Variants in SULF2 observed in about 807,000 individuals in gnomAD.
The protein encoded by SULF2 is sulfatase 2.
Under a neutral mutation model 107.7 loss-of-function variants are expected in SULF2, and 52 were observed. That is an observed-to-expected ratio of 0.48 (90% CI 0.39 to 0.61). SULF2 has a LOEUF of 0.61. Among genes scored for constraint, SULF2 ranks in the 20% least tolerant of loss-of-function variants. The pLI, the probability that SULF2 is intolerant of heterozygous loss-of-function variation, is 0.00. For synonymous variants in SULF2, 460 were observed against 464.3 expected (o/e 0.99, Z 0.12); for missense variants, 993 against 1,177.3 (o/e 0.84, Z 2.29).
intron 3 of SULF2, among the ~76,000 whole-genome samples, chr20:47,718,045 C>A (rs1472765833): frequency 6.6e-6 from 1 of 152,080 alleles, no homozygotes; most frequent in Non-Finnish European, 1.5e-5. Flanking sequence ...TCTTGATCTC[C>A]TGACCTCGTG....
intron 2 of SULF2, among the ~76,000 whole-genome samples, chr20:47,755,028 G>A (rs974663447): frequency 6.6e-6 from 1 of 151,972 alleles, no homozygotes; most frequent in East Asian, 1.9e-4. Flanking sequence ...AAGACGGGGG[G>A]GGTCTCACTA....
At chr20:47,717,464 G>A (rs898956005) in intron 3 of SULF2, among the ~76,000 whole-genome samples, 4 of 152,154 alleles carry the variant, frequency 2.6e-5, no homozygotes, top group African/African-American at 4.8e-5. Flanking sequence ...TCCCATCCAC[G>A]GGGACGCAGA....
intron 6 of SULF2, among the ~76,000 whole-genome samples, chr20:47,683,384 C>T (rs920377625): frequency 6.6e-6 from 1 of 152,226 alleles, no homozygotes; most frequent in Non-Finnish European, 1.5e-5. Flanking sequence ...CATGGCCCTT[C>T]TTGGCATCCA....
Position 47,666,225 on chromosome 20 carries a change from T to C in SULF2, c.1805+35A>G. On this transcript the variant is annotated intron_variant, in intron 12 of 20. Transcript: ENST00000688720. This position sits in a 1 kb window ranked among gnomAD's most constrained non-coding sequence, Gnocchi z 5.4. ...AAGCCCTTTGCCGAGGTCTGTCCTG[T>C]CCCCTTCACCCTCGACTTCCACCTG... The C allele has an allele frequency of 6.2e-7, 1 of 1,611,366 alleles. No homozygotes were observed. Among genetic ancestry groups the C allele is most frequent in the South Asian group, 1.1e-5 (1 of 90,938 alleles).
At chr20:47,702,129 CT>C (rs1292211240) in intron 4 of SULF2, among the ~76,000 whole-genome samples, 1 of 152,202 alleles carries the variant, frequency 6.6e-6, no homozygotes, top group Admixed American at 6.5e-5. Context: ...AAGATCCTGG[CT>C]CACTGCAGCC....
At chr20:47,745,855 G>A (rs888413171) in intron 2 of SULF2, among the ~76,000 whole-genome samples, 2 of 152,110 alleles carry the variant, frequency 1.3e-5, no homozygotes, top group Non-Finnish European at 2.9e-5. Flanking sequence ...AACAAGTATC[G>A]TCTCACGCGG....
intron 4 of SULF2, among the ~76,000 whole-genome samples, chr20:47,691,459 G>C (rs151052446): frequency 3.2e-4 from 49 of 152,248 alleles, no homozygotes; most frequent in African/African-American, 1.0e-3. Context: ...CTGATACCTG[G>C]GCCCACCCCC....
rs1483569635 is a variant in SULF2 at position 47,666,957 on chromosome 20, T to C, written c.1577-469A>G. Among the ~76,000 whole-genome samples, 4 of 152,018 alleles carry C rather than the reference T, an allele frequency of 2.6e-5. No individual in the cohort carries two copies. The highest frequency in any genetic ancestry group is 4.8e-5 in the African/African-American group (2 of 41,388). On this transcript the variant is annotated intron_variant, in intron 11 of 20. Transcript: ENST00000688720. This position sits in a 1 kb window ranked among gnomAD's most constrained non-coding sequence, Gnocchi z 5.4. ...TAAATCTATAGCGGCAGAAAGAAGA[T>C]TGGTGATTGCCAGGGGCTGGGGGAG... is the stretch of plus-strand genomic sequence containing the variant.
intron 3 of SULF2, among the ~76,000 whole-genome samples, chr20:47,734,480 G>A (rs1022567582): frequency 1.2e-4 from 19 of 152,196 alleles, no homozygotes; most frequent in Non-Finnish European, 2.2e-4. Context: ...ACACTGATCA[G>A]TATAACATAT....
In SULF2 at chr20:47,663,549, G is replaced by A. The variant is rs1602580683; in HGVS notation, c.2131C>T (p.Leu711Phe). The change falls in exon 16 of 21, where the codon CTC (leucine) becomes TTC (phenylalanine). Residue 711 changes from leucine to phenylalanine, a missense_variant. Leu to Phe is a conservative substitution (Grantham distance 22, BLOSUM62 0). This residue lies in a region of SULF2 where 497 missense variants were observed against 544.1 expected (regional missense o/e 0.91). Coordinates refer to ENST00000688720, the MANE Select transcript of SULF2 (RefSeq NM_001387048.1). ...GTGTCGTTGTTCTGCAGGCGCTTGA[G>A]CAGCTTGCGGAGTTTCTTCTTGCGC... The part of the protein sequence containing the change: ...QKRKKKLRKL[L>F]KRLQNNDTCS... 1 of 1,612,788 alleles carries A rather than the reference G, an allele frequency of 6.2e-7. No individual in the cohort carries two copies. Among genetic ancestry groups the A allele is most frequent in the Non-Finnish European group, 8.5e-7 (1 of 1,179,868 alleles).
chr20:47,659,859 A>C, intron 18 of SULF2, 129 bp from the exon 19 acceptor site: 1 of 704,442 alleles, frequency 1.4e-6, no homozygotes, highest in Non-Finnish European at 2.5e-6. Context: ...CCCTACTCAG[A>C]GTAGACTGAA....
intron 1 of SULF2, among the ~76,000 whole-genome samples, chr20:47,760,266 G>C (rs539098288): frequency 3.2e-4 from 48 of 152,168 alleles, no homozygotes; most frequent in Non-Finnish European, 7.4e-5. Context: ...CAGATGGCAC[G>C]GTCGGCACGT....
chr20:47,688,764 T>C (rs1253774220), intron 5 of SULF2, among the ~76,000 whole-genome samples: 1 of 152,002 alleles, frequency 6.6e-6, no homozygotes, highest in Non-Finnish European at 1.5e-5. Context: ...TCCCCAGAGA[T>C]CAGGGGATGG....
At position 47,659,577 on chromosome 20, in the gene SULF2, G is replaced by C. The variant is rs373482114; in HGVS notation, c.2528+120C>G. On this transcript the variant is annotated intron_variant, in intron 19 of 20. Transcript: ENST00000688720. ...ATCTTTGGTGGGTGATCCTGGTCTC[G>C]GGCAGACCAGAGGGAAGGGCAGTTT... is the stretch of plus-strand genomic sequence containing the variant. 4.4e-6 allele frequency: 6 copies of C among 1,349,970 alleles called. No individual in the cohort carries two copies. In the East Asian group the frequency reaches 1.4e-4, roughly 31 times the overall value. 83.6% of individuals were successfully genotyped at this position (1,349,970 alleles called of 1,614,324 possible). A position where few individuals can be genotyped will look rare whatever the true frequency, so the allele number is the denominator to read the frequency against.
At chr20:47,670,652 CGGGTGGGAGAATGGGGTGACAGCA>C (rs2087432426) in intron 11 of SULF2, among the ~76,000 whole-genome samples, 1 of 1,098 alleles carries the variant, frequency 9.1e-4, no homozygotes, top group Non-Finnish European at 1.4e-3. Flanking sequence ...TTGCTGAGAA[CGGGTGGGAGAATGGGGTGACAGCA>C]GGGTGGGAGA....
intron 7 of SULF2, among the ~76,000 whole-genome samples, chr20:47,682,695 G>C (rs1401532352): frequency 6.6e-6 from 1 of 152,160 alleles, no homozygotes; most frequent in Non-Finnish European, 1.5e-5. Context: ...AGAAATCCAA[G>C]CACCATTCCC....
At chr20:47,676,738 G>A (rs2087654484) in intron 9 of SULF2, 115 bp from the exon 10 acceptor site, 3 of 1,316,396 alleles carry the variant, frequency 2.3e-6, no homozygotes, top group Non-Finnish European at 3.1e-6. Context: ...TCCTCACAGT[G>A]GAGGGCGCAG....
chr20:47,682,729 G>A (rs1027043105), intron 7 of SULF2, among the ~76,000 whole-genome samples: 13 of 152,156 alleles, frequency 8.5e-5, no homozygotes, highest in Admixed American at 3.9e-4. Context: ...ATGCATGTGC[G>A]CGCACACACG....
At chr20:47,708,490 C>T (rs936735904) in intron 3 of SULF2, among the ~76,000 whole-genome samples, 1 of 152,136 alleles carries the variant, frequency 6.6e-6, no homozygotes, top group African/African-American at 2.4e-5. Context: ...CCAGATTTTG[C>T]CTTTTGTGCA....
Sources: gnomAD v4.1 joint callset for allele counts (sites outside exome capture counted in the v4.1 genomes callset) on GRCh38, gnomAD v4.1.1 for gene constraint, gnomAD v4.1.1 regional missense constraint, Gnocchi (gnomAD v3.1) non-coding constraint, MANE v1.5 for transcripts, NCBI Gene and HGNC (gene_info 2026-07-23, HGNC 2026-07-21) for gene names.